Variants in LRRC37A2 observed in about 807,000 individuals in gnomAD.
LRRC37A2 encodes the protein leucine-rich repeat-containing protein 37A2.
LRRC37A2 carries 9 observed loss-of-function variants against 68.8 expected under a neutral mutation model. The observed-to-expected ratio is 0.13, with a 90% CI of 0.08 to 0.23. The LOEUF (loss-of-function observed/expected upper bound fraction) is 0.23. Among genes scored for constraint, LRRC37A2 ranks in the 10% least tolerant of loss-of-function variants. The pLI, the probability that LRRC37A2 is intolerant of heterozygous loss-of-function variation, is 1.00. For missense variants in LRRC37A2, 168 were observed against 950.4 expected, an observed-to-expected ratio of 0.18 and a Z score of 10.82; for synonymous variants, 63 against 367.6, an observed-to-expected ratio of 0.17 and a Z score of 9.48.
the LRRC37A2 span, among the ~76,000 whole-genome samples, chr17:46,924,714 C>G: frequency 6.6e-6 from 1 of 152,166 alleles, no homozygotes; most frequent in South Asian, 2.1e-4. Flanking sequence ...TTCTTTTACA[C>G]TGGGGAGCCC....
chr17:46,772,586 A>G, the LRRC37A2 span, among the ~76,000 whole-genome samples: 2 of 152,264 alleles, frequency 1.3e-5, no homozygotes, highest in East Asian at 3.8e-4. Flanking sequence ...TTTTATGTCA[A>G]CAAGGAATAA....
chr17:46,610,041 C>CTCTCTCTCTTTCTT, the LRRC37A2 span, among the ~76,000 whole-genome samples: 2 of 118,654 alleles, frequency 1.7e-5, no homozygotes, highest in African/African-American at 3.1e-5. Context: ...CTCTCTCTCT[C>CTCTCTCTCTTTCTT]TCTTTCTTTC....
At chr17:46,528,735 A>G (rs2053166366) in intron 6 of LRRC37A2, 3 of 668,298 alleles carry the variant, frequency 4.5e-6, no homozygotes, top group Non-Finnish European at 8.0e-6. Flanking sequence ...AAAAAAAAAA[A>G]AAAAAAGGAA....
the LRRC37A2 span, chr17:46,833,403 C>T: frequency 1.4e-5 from 7 of 518,116 alleles, no homozygotes; most frequent in Middle Eastern, 6.3e-4. Flanking sequence ...GAATGCCAGT[C>T]CTGGGAGCCT....
the LRRC37A2 span, among the ~76,000 whole-genome samples, chr17:46,418,215 TTGTGTG>T: frequency 1.6e-5 from 1 of 62,630 alleles, no homozygotes; most frequent in African/African-American, 3.9e-5. Flanking sequence ...GTGTGTGTGT[TTGTGTG>T]TGTGTGTGTG....
the LRRC37A2 span, chr17:47,033,334 G>A: frequency 1.4e-6 from 1 of 700,264 alleles, no homozygotes; most frequent in African/African-American, 1.8e-5. Context: ...TGCAGTCCGA[G>A]GTCTTGTATG....
At chr17:46,806,370 C>T in the LRRC37A2 span, among the ~76,000 whole-genome samples, 10 of 152,076 alleles carry the variant, frequency 6.6e-5, no homozygotes, top group South Asian at 8.3e-4. Flanking sequence ...CCACCACGCC[C>T]GGCTAATTTT....
At chr17:46,806,320 CT>C in the LRRC37A2 span, among the ~76,000 whole-genome samples, 1 of 144,694 alleles carries the variant, frequency 6.9e-6, no homozygotes, top group Non-Finnish European at 1.5e-5. Context: ...AGCGATTCTC[CT>C]TTCTCAGCCT....
At chr17:47,022,006 T>C in the LRRC37A2 span, 16 of 1,233,872 alleles carry the variant, frequency 1.3e-5, no homozygotes, top group Non-Finnish European at 1.6e-5. Flanking sequence ...TCGGTACCTC[T>C]GAGGAAAGAT....
the LRRC37A2 span, among the ~76,000 whole-genome samples, chr17:46,625,783 C>T: frequency 1.9e-5 from 2 of 106,680 alleles, no homozygotes; most frequent in Non-Finnish European, 3.4e-5. Flanking sequence ...TTAGGGCATG[C>T]CTGTAGTCCC....
chr17:46,799,597 G>A, the LRRC37A2 span, among the ~76,000 whole-genome samples: 7 of 152,014 alleles, frequency 4.6e-5, no homozygotes, highest in Admixed American at 6.6e-5. Context: ...ACAGGTGTGC[G>A]CCACCATGCC....
At chr17:46,839,935 T>C in the LRRC37A2 span, among the ~76,000 whole-genome samples, 1 of 147,742 alleles carries the variant, frequency 6.8e-6, no homozygotes, top group African/African-American at 2.5e-5. Flanking sequence ...TTTCTTTCTT[T>C]CTTTCTTTCT....
At chr17:46,829,583 T>C in the LRRC37A2 span, among the ~76,000 whole-genome samples, 124,871 of 152,012 alleles carry the variant, frequency 0.82, 51,539 homozygotes, top group East Asian at 1. Flanking sequence ...TGAGTGTGTT[T>C]CGGGGATGGA....
chr17:46,687,333 T>C, the LRRC37A2 span, among the ~76,000 whole-genome samples: 13 of 148,954 alleles, frequency 8.7e-5, no homozygotes, highest in Non-Finnish European at 1.6e-4. Context: ...TCTTGTTCTC[T>C]ATTTGGAGGC....
At chr17:46,995,375 T>C in the LRRC37A2 span, among the ~76,000 whole-genome samples, 1 of 152,242 alleles carries the variant, frequency 6.6e-6, no homozygotes, top group Non-Finnish European at 1.5e-5. Context: ...TCTCTTGTTC[T>C]TCAGCTACAG....
the LRRC37A2 span, among the ~76,000 whole-genome samples, chr17:46,857,429 T>A: frequency 6.9e-6 from 1 of 144,408 alleles, no homozygotes; most frequent in South Asian, 2.1e-4. Flanking sequence ...GAGCCAAGAC[T>A]GTGCCACTGC....
chr17:46,534,197 GT>G (rs1555646672), intron 6 of LRRC37A2, among the ~76,000 whole-genome samples: 1 of 148,736 alleles, frequency 6.7e-6, no homozygotes, highest in East Asian at 1.9e-4. Flanking sequence ...TTTTGTTTTT[GT>G]TTTTTTTAAT....
At chr17:46,765,696 G>A in the LRRC37A2 span, among the ~76,000 whole-genome samples, 70 of 152,348 alleles carry the variant, frequency 4.6e-4, no homozygotes, top group Non-Finnish European at 8.2e-4. Flanking sequence ...CAGAGCAGGC[G>A]GCTCTCGCCT....
At chr17:46,537,031 G>T (rs1178052237) in intron 6 of LRRC37A2, among the ~76,000 whole-genome samples, 17 of 49,270 alleles carry the variant, frequency 3.5e-4, no homozygotes, top group African/African-American at 1.9e-3. Flanking sequence ...GTTGCTGCAA[G>T]ACTTTGGTTA....
Sources: gnomAD v4.1 joint callset for allele counts (sites outside exome capture counted in the v4.1 genomes callset) on GRCh38, gnomAD v4.1.1 for gene constraint, MANE v1.5 for transcripts, NCBI Gene and HGNC (gene_info 2026-07-23, HGNC 2026-07-21) for gene names.